GJA3: variants seen among roughly 807,000 people sequenced by gnomAD.
GJA3 encodes the protein gap junction protein alpha 3.
For missense variants in GJA3, 571 were observed against 620.3 expected, an observed-to-expected ratio of 0.92 and a Z score of 0.84; for synonymous variants, 297 against 292.6, an observed-to-expected ratio of 1.02 and a Z score of -0.15.
At chr13:20,155,564 T>C (rs537363757) in intron 1 of GJA3, among the ~76,000 whole-genome samples, 6 of 151,982 alleles carry the variant, frequency 3.9e-5, no homozygotes, top group African/African-American at 1.5e-4. Flanking sequence ...ATGGTGTTTG[T>C]AGTCAAATTC....
At chr13:20,145,002 G>A (rs1214039567) in intron 1 of GJA3, among the ~76,000 whole-genome samples, 1 of 152,158 alleles carries the variant, frequency 6.6e-6, no homozygotes, top group African/African-American at 2.4e-5. Context: ...CCCACATGGT[G>A]AAACCTCATC....
Position 20,142,424 on chromosome 13 carries a change from CG to C in GJA3, c.864del (p.Ala290ProfsTer11). The C allele has an allele frequency of 6.7e-7, 1 of 1,498,552 alleles. No homozygotes were observed. 92.8% of individuals were successfully genotyped at this position (1,498,552 alleles called of 1,614,324 possible). A position where few individuals can be genotyped will look rare whatever the true frequency, so the allele number is the denominator to read the frequency against. ...PLGQARAVGY[P>X]GAPPPAADFK... ...AAGTCCGCGGCTGGTGGCGGGGCCC[CG>C]GGGTAGCCCACGGCGCGGGCCTGTC... On this transcript the variant is annotated frameshift_variant, in exon 2 of 2. Coordinates refer to ENST00000241125, the MANE Select transcript of GJA3 (RefSeq NM_021954.4). LOFTEE classifies it low-confidence loss of function (END_TRUNC).
In GJA3 at chr13:20,139,686, T is replaced by A. The variant is rs1958796278; in HGVS notation, c.*2295A>T. The A allele has an allele frequency of 6.6e-6, 1 of 152,232 alleles. No individual in the cohort carries two copies. The highest frequency in any genetic ancestry group is 2.4e-5 in the African/African-American group (1 of 41,458). The allele number at this position is 152,232 out of a possible 1,614,324, so 9.4% of individuals were successfully genotyped here. On this transcript the variant is annotated 3_prime_UTR_variant, in exon 2 of 2. Coordinates refer to ENST00000241125, the MANE Select transcript of GJA3 (RefSeq NM_021954.4). ...AGGTGAATCTAATTCTACACTCCTA[T>A]CCACTCTAAATGGACCCACTAGACT...
At chr13:20,151,834 A>T (rs1484524928) in intron 1 of GJA3, among the ~76,000 whole-genome samples, 1 of 152,082 alleles carries the variant, frequency 6.6e-6, no homozygotes, top group Non-Finnish European at 1.5e-5. Context: ...TCACAGGGCC[A>T]CCCTAGGACA....
In GJA3 at chr13:20,148,253, CTTTTTTTTTTTT is replaced by C. The variant is rs71074204; in HGVS notation, c.-17-4960_-17-4949del. Among the ~76,000 whole-genome samples the C allele has an allele frequency of 7.5e-4, 68 of 90,730 alleles. 1 individual carries two copies. Among genetic ancestry groups the C allele is most frequent in the African/African-American group, 2.6e-3 (66 of 25,290 alleles). 59.5% of individuals were successfully genotyped at this position (90,730 alleles called of 152,430 possible). A position where few individuals can be genotyped will look rare whatever the true frequency, so the allele number is the denominator to read the frequency against. ...GGGGCATTTTACCAATACTATGGTT[CTTTTTTTTTTTT>C]TTTTTTTTTTGAGACAGAGTCTCAT... On this transcript the variant is annotated intron_variant, in intron 1 of 1. Coordinates refer to ENST00000241125, the MANE Select transcript of GJA3 (RefSeq NM_021954.4).
In GJA3 at chr13:20,142,209, C is replaced by T. The variant is rs1958812073; in HGVS notation, c.1080G>A (p.Pro360=). The change falls in exon 2 of 2, where the codon CCG becomes CCA. Residue 360 remains proline, a synonymous_variant. Transcript: ENST00000241125. ...AAPSPVGSSS[P]PLAHEAEAGA... is the part of the protein sequence containing the mutation. ...CCGCCTCAGCCTCGTGCGCGAGTGG[C>T]GGGGAGCTGCTGCCGACGGGGCTGG... 6.6e-7 allele frequency: 1 copy of T among 1,513,590 alleles called. No homozygotes were observed. The highest frequency in any genetic ancestry group is 1.2e-5 in the South Asian group (1 of 80,660). The allele number at this position is 1,513,590 out of a possible 1,614,324, so 93.8% of individuals were successfully genotyped here.
In GJA3 at chr13:20,141,035, G is replaced by T. The variant is rs1287412419; in HGVS notation, c.*946C>A. 2 of 152,160 alleles carry T rather than the reference G, an allele frequency of 1.3e-5. No homozygotes were observed. The highest frequency in any genetic ancestry group is 3.8e-4 in the East Asian group (2 of 5,202). 9.4% of individuals were successfully genotyped at this position (152,160 alleles called of 1,614,324 possible). A position where few individuals can be genotyped will look rare whatever the true frequency, so the allele number is the denominator to read the frequency against. ...ATTAAAGAATTTCTTTTACAAGAAAGTTCAAAATCTTTAGTAAAGATGCTA... is the reference window on the plus strand; with the variant it reads ...ATTAAAGAATTTCTTTTACAAGAAATTTCAAAATCTTTAGTAAAGATGCTA... On this transcript the variant is annotated 3_prime_UTR_variant, in exon 2 of 2. Transcript: ENST00000241125.
chr13:20,149,668 G>C (rs1041892537), intron 1 of GJA3, among the ~76,000 whole-genome samples: 2 of 152,184 alleles, frequency 1.3e-5, no homozygotes, highest in African/African-American at 4.8e-5. Context: ...TTTCAGCTGG[G>C]ATTAGGAGTT....
chr13:20,158,052 G>T (rs1251623787), intron 1 of GJA3, among the ~76,000 whole-genome samples: 2 of 151,250 alleles, frequency 1.3e-5, no homozygotes, highest in East Asian at 1.9e-4. Context: ...TGCCTGGGCT[G>T]GTCTCAAACT....
At chr13:20,143,754 TCTA>T (rs975898684) in intron 1 of GJA3, among the ~76,000 whole-genome samples, 10 of 152,346 alleles carry the variant, frequency 6.6e-5, no homozygotes, top group African/African-American at 1.9e-4. Context: ...TGATACCTCT[TCTA>T]CTATTTGCTT....
intron 1 of GJA3, among the ~76,000 whole-genome samples, chr13:20,150,553 G>A (rs921739475): frequency 6.6e-6 from 1 of 152,346 alleles, no homozygotes; most frequent in Admixed American, 6.5e-5. Flanking sequence ...GGTGTGCTTT[G>A]AAGTTGTTTT....
At position 20,151,600 on chromosome 13, in the gene GJA3, G is replaced by C. The variant is rs147093372; in HGVS notation, c.-17-8295C>G. ...AGGCCAGAGCAGACCGGGGCTCCAG[G>C]ACATGGGAGCCTCAGGTATGAGGGC... On this transcript the variant is annotated intron_variant, in intron 1 of 1. Transcript: ENST00000241125. Among the ~76,000 whole-genome samples the C allele has an allele frequency of 2.7e-3, 410 of 152,268 alleles. 5 individuals are homozygous for C. The highest frequency in any genetic ancestry group is 9.3e-3 in the African/African-American group (388 of 41,548).
chr13:20,148,253 C>CTTTTTTTT (rs71074204), intron 1 of GJA3, among the ~76,000 whole-genome samples: 5 of 90,726 alleles, frequency 5.5e-5, no homozygotes, highest in African/African-American at 7.9e-5. Context: ...TACTATGGTT[C>CTTTTTTTT]TTTTTTTTTT....
Position 20,146,725 on chromosome 13 carries a change from C to T in GJA3, c.-17-3420G>A, listed in dbSNP as rs949071530. Among the ~76,000 whole-genome samples, 8 of 152,370 alleles carry T rather than the reference C, an allele frequency of 5.3e-5. No homozygotes were observed. The South Asian group carries it at 6.2e-4, about 12-fold the overall frequency. ...AAAAGAATGAGAGACATGAATCCAA[C>T]AATACCTTTGACCTCTAATTCTACT... On this transcript the variant is annotated intron_variant, in intron 1 of 1. Coordinates refer to ENST00000241125, the MANE Select transcript of GJA3 (RefSeq NM_021954.4).
chr13:20,139,125 AAGTG>A lies in GJA3; in HGVS notation c.*2852_*2855del, dbSNP rs1309334628. 1 of 152,198 alleles carries A rather than the reference AAGTG, an allele frequency of 6.6e-6. No homozygotes were observed. The highest frequency in any genetic ancestry group is 1.5e-5 in the Non-Finnish European group (1 of 68,024). 9.4% of individuals were successfully genotyped at this position (152,198 alleles called of 1,614,324 possible). ...AACCATTAAAAGTTTAAAAAGGAGA[AAGTG>A]AGTGATAATATAAGTAATAGTTTTA... is the stretch of plus-strand genomic sequence containing the variant. On this transcript the variant is annotated 3_prime_UTR_variant, in exon 2 of 2. Coordinates refer to ENST00000241125, the MANE Select transcript of GJA3 (RefSeq NM_021954.4).
In GJA3 at chr13:20,142,649, A is replaced by T; in HGVS notation, c.640T>A (p.Ser214Thr). 1 of 1,613,662 alleles carries T rather than the reference A, an allele frequency of 6.2e-7. No homozygotes were observed. Among genetic ancestry groups the T allele is most frequent in the East Asian group, 2.2e-5 (1 of 44,862 alleles). Reference protein sequence around the residue: ...IIFMLAVACASLLLNMLEIYH... With the variant: ...IIFMLAVACATLLLNMLEIYH... Reference sequence around the variant, plus strand: ...ATCTCCAGCATGTTGAGCAGCAGGGACGCGCAGGCCACCGCCAGCATGAAG... The same window carrying T: ...ATCTCCAGCATGTTGAGCAGCAGGGTCGCGCAGGCCACCGCCAGCATGAAG... The change falls in exon 2 of 2, where the codon TCC (serine) becomes ACC (threonine). Residue 214 changes from serine to threonine, a missense_variant. Transcript: ENST00000241125.
chr13:20,142,937 C>G lies in GJA3; in HGVS notation c.352G>C (p.Glu118Gln). 6.3e-7 allele frequency: 1 copy of G among 1,576,076 alleles called. No individual in the cohort carries two copies. The highest frequency in any genetic ancestry group is 8.6e-7 in the Non-Finnish European group (1 of 1,160,792). The change falls in exon 2 of 2, where the codon GAG becomes CAG. Residue 118 changes from glutamate to glutamine, a missense_variant. Transcript: ENST00000241125. ...EREEEEQLKR[E>Q]SPSPKEPPQD... Reference sequence around the variant, plus strand: ...GGTGGCTCCTTGGGGCTGGGGCTCTCTCTCTTCAGCTGCTCCTCCTCCTCC... The same window carrying G: ...GGTGGCTCCTTGGGGCTGGGGCTCTGTCTCTTCAGCTGCTCCTCCTCCTCC...
intron 1 of GJA3, among the ~76,000 whole-genome samples, chr13:20,148,025 G>A (rs768099407): frequency 3.3e-5 from 5 of 152,032 alleles, no homozygotes; most frequent in Non-Finnish European, 5.9e-5. Context: ...TGAGCCTCAC[G>A]ACTACACTTC....
At chr13:20,154,905 C>G (rs1958899139) in intron 1 of GJA3, among the ~76,000 whole-genome samples, 1 of 152,174 alleles carries the variant, frequency 6.6e-6, no homozygotes, top group Non-Finnish European at 1.5e-5. Context: ...GGATGGAATA[C>G]AGTGGCATGA....
Sources: gnomAD v4.1 joint callset for allele counts (sites outside exome capture counted in the v4.1 genomes callset) on GRCh38, gnomAD v4.1.1 for gene constraint, MANE v1.5 for transcripts, NCBI Gene and HGNC (gene_info 2026-07-23, HGNC 2026-07-21) for gene names.